The following ZC2HC1A variants were observed in gnomAD, a reference collection of about 807,000 sequenced individuals.
ZC2HC1A encodes the protein zinc finger C2HC-type containing 1A.
Under a neutral mutation model 40.7 loss-of-function variants are expected in ZC2HC1A, and 28 were observed. The ratio of observed to expected loss-of-function variants is 0.69; its 90% CI spans 0.51 to 0.94. The LOEUF (loss-of-function observed/expected upper bound fraction) is 0.94, where lower values mean the gene tolerates loss of function less well. Among genes scored for constraint, ZC2HC1A ranks in the 40% least tolerant of loss-of-function variants. The pLI is 0.00. For synonymous variants in ZC2HC1A, 129 were observed against 129.2 expected (o/e 1.00, Z 0.01); for missense variants, 389 against 386.3 (o/e 1.01, Z -0.06).
At chr8:78,691,985 A>T (rs1810227842) in intron 5 of ZC2HC1A, among the ~76,000 whole-genome samples, 1 of 152,190 alleles carries the variant, frequency 6.6e-6, no homozygotes. Flanking sequence ...TGCAATGACT[A>T]AATCAAGCTA....
rs150478564 is a variant in ZC2HC1A at position 78,701,852 on chromosome 8, G to A, written c.704+3339G>A. Among the ~76,000 whole-genome samples, 397 of 152,294 alleles carry A rather than the reference G, an allele frequency of 2.6e-3. 1 individual carries two copies. The highest frequency in any genetic ancestry group is 9.0e-3 in the African/African-American group (375 of 41,554). Reference sequence around the variant, plus strand: ...CAGGGATGAAGCCTACTTGATCCTGGTGGATAAGCTTGTTGATGTGCTGCT... The same window carrying A: ...CAGGGATGAAGCCTACTTGATCCTGATGGATAAGCTTGTTGATGTGCTGCT... On this transcript the variant is annotated intron_variant, in intron 7 of 8. Coordinates refer to ENST00000263849, the MANE Select transcript of ZC2HC1A (RefSeq NM_016010.3).
intron 7 of ZC2HC1A, among the ~76,000 whole-genome samples, chr8:78,714,540 A>G (rs1012781062): frequency 1.3e-4 from 20 of 152,134 alleles, no homozygotes; most frequent in African/African-American, 4.6e-4. Context: ...TAGCATTTGA[A>G]TCTAAATTCA....
intron 1 of ZC2HC1A, among the ~76,000 whole-genome samples, chr8:78,674,194 G>A (rs1414715516): frequency 6.6e-6 from 1 of 152,002 alleles, no homozygotes; most frequent in East Asian, 1.9e-4. Flanking sequence ...TACATGCTTG[G>A]TACGTGGTTT....
In ZC2HC1A at chr8:78,701,570, G is replaced by A. The variant is rs182682227; in HGVS notation, c.704+3057G>A. On this transcript the variant is annotated intron_variant, in intron 7 of 8. Coordinates refer to ENST00000263849, the MANE Select transcript of ZC2HC1A (RefSeq NM_016010.3). ...GTGAGAAAGGGCATCTTTGTCTTGT[G>A]CCAGTTTTCAAGGGGAATGCTTCCA... Among the ~76,000 whole-genome samples the A allele has an allele frequency of 2.6e-5, 4 of 152,244 alleles. No homozygotes were observed. In the East Asian group the frequency reaches 7.7e-4, roughly 29 times the overall value.
intron 7 of ZC2HC1A, among the ~76,000 whole-genome samples, chr8:78,701,701 A>G (rs1330996905): frequency 6.6e-6 from 1 of 152,206 alleles, no homozygotes; most frequent in African/African-American, 2.4e-5. Context: ...TTTAACGTGA[A>G]GGGATGTTGA....
At chr8:78,670,020 T>G (rs1809400198) in intron 1 of ZC2HC1A, among the ~76,000 whole-genome samples, 1 of 148,082 alleles carries the variant, frequency 6.8e-6, no homozygotes, top group Non-Finnish European at 1.5e-5. Flanking sequence ...CAGGCTGGAG[T>G]GCAGTGGCAT....
intron 7 of ZC2HC1A, among the ~76,000 whole-genome samples, chr8:78,711,179 G>A (rs1810939476): frequency 6.6e-6 from 1 of 152,092 alleles, no homozygotes; most frequent in Non-Finnish European, 1.5e-5. Context: ...GTGTTATTCA[G>A]TAGCAAATAA....
chr8:78,676,582 A>G lies in ZC2HC1A; in HGVS notation c.93+719A>G, dbSNP rs375549863. Among the ~76,000 whole-genome samples the G allele has an allele frequency of 2.6e-4, 40 of 152,158 alleles. No individual in the cohort carries two copies. In the East Asian group the frequency reaches 6.9e-3, roughly 26 times the overall value. On this transcript the variant is annotated intron_variant, in intron 2 of 8. Transcript: ENST00000263849. ...TAAGACAGAATTTTTCTGTGAATGT[A>G]TATCTGCTGATTAAAGTTCTGCCAT... is the stretch of plus-strand genomic sequence containing the variant.
At chr8:78,707,407 T>C (rs1228902514) in intron 7 of ZC2HC1A, among the ~76,000 whole-genome samples, 1 of 152,194 alleles carries the variant, frequency 6.6e-6, no homozygotes, top group Non-Finnish European at 1.5e-5. Context: ...CTAAATAGCT[T>C]TGGGCATGTA....
intron 3 of ZC2HC1A, among the ~76,000 whole-genome samples, chr8:78,682,719 C>T (rs1289793287): frequency 3.9e-5 from 6 of 152,144 alleles, no homozygotes; most frequent in Non-Finnish European, 8.8e-5. Flanking sequence ...CATGCCTTCC[C>T]AACAGTCCCC....
At chr8:78,675,935 A>G (rs1033095477) in intron 2 of ZC2HC1A, 72 bp downstream of exon 2, 2 of 1,331,072 alleles carry the variant, frequency 1.5e-6, no homozygotes, top group African/African-American at 1.5e-5. Context: ...GTCAATTCTC[A>G]TGGGAAGAAT....
intron 1 of ZC2HC1A, among the ~76,000 whole-genome samples, chr8:78,675,215 G>A (rs773249827): frequency 6.6e-6 from 1 of 151,378 alleles, no homozygotes; most frequent in Non-Finnish European, 1.5e-5. Flanking sequence ...CCATTTACTA[G>A]TCCACTGACT....
intron 5 of ZC2HC1A, among the ~76,000 whole-genome samples, chr8:78,689,851 C>T (rs1242813054): frequency 6.6e-6 from 1 of 151,934 alleles, no homozygotes; most frequent in Non-Finnish European, 1.5e-5. Flanking sequence ...GATTTATGCT[C>T]CTTATCTTGT....
intron 7 of ZC2HC1A, among the ~76,000 whole-genome samples, chr8:78,708,188 A>G (rs1307104339): frequency 6.6e-6 from 1 of 152,216 alleles, no homozygotes; most frequent in African/African-American, 2.4e-5. Context: ...AATGCTCAAT[A>G]AATTGAGCAT....
chr8:78,698,590 C>G (rs1254991049), intron 7 of ZC2HC1A, 77 bp downstream of exon 7: 3 of 1,088,418 alleles, frequency 2.8e-6, no homozygotes, highest in Non-Finnish European at 3.8e-6. Flanking sequence ...TTGATAATTG[C>G]TTTTTCATTC....
Position 78,717,419 on chromosome 8 carries a change from G to A in ZC2HC1A, c.904G>A (p.Glu302Lys). The A allele has an allele frequency of 2.5e-6, 4 of 1,613,348 alleles. No individual in the cohort carries two copies. In the South Asian group the frequency reaches 3.3e-5, roughly 13 times the overall value. The change falls in exon 9 of 9, where the codon GAG becomes AAG. Residue 302 changes from glutamate (E) to lysine (K), a missense_variant. Coordinates refer to ENST00000263849, the MANE Select transcript of ZC2HC1A (RefSeq NM_016010.3). ...TGGAAACTTACCAAAATTCTGCCAT[G>A]AGTGTGGGACTAAATACCCTGTAGA... ...SPGNLPKFCH[E>K]CGTKYPVEWA...
intron 7 of ZC2HC1A, among the ~76,000 whole-genome samples, chr8:78,713,399 G>A (rs1048586740): frequency 6.6e-6 from 1 of 151,594 alleles, no homozygotes; most frequent in South Asian, 2.1e-4. Context: ...GACATTATGT[G>A]TATATATTCA....
intron 4 of ZC2HC1A, among the ~76,000 whole-genome samples, chr8:78,687,962 T>A (rs1276736078): frequency 1.4e-5 from 2 of 144,452 alleles, no homozygotes; most frequent in East Asian, 3.9e-4. Context: ...ATATCTATAT[T>A]TATATATAAA....
intron 4 of ZC2HC1A, 77 bp from the exon 5 acceptor site, chr8:78,689,145 G>T (rs938859960): frequency 3.6e-6 from 4 of 1,112,404 alleles, no homozygotes; most frequent in South Asian, 3.2e-5. Context: ...TTGAATGACT[G>T]CATAGAAACT....
Sources: gnomAD v4.1 joint callset for allele counts (sites outside exome capture counted in the v4.1 genomes callset) on GRCh38, gnomAD v4.1.1 for gene constraint, MANE v1.5 for transcripts, NCBI Gene and HGNC (gene_info 2026-07-23, HGNC 2026-07-21) for gene names.